Variants in SPEF2 observed in about 807,000 individuals in gnomAD.
SPEF2 encodes the protein sperm flagella and cilia-associated protein 2.
Under a neutral mutation model 224.6 loss-of-function variants are expected in SPEF2, and 187 were observed. The observed-to-expected ratio is 0.83, with a 90% CI of 0.74 to 0.94. The LOEUF is 0.94. Among genes scored for constraint, SPEF2 ranks in the 40% least tolerant of loss-of-function variants. The pLI, the probability that SPEF2 is intolerant of heterozygous loss-of-function variation, is 0.00. For missense variants in SPEF2, 2,170 were observed against 2,135.6 expected (o/e 1.02, Z -0.32); for synonymous variants, 715 against 707.3 (o/e 1.01, Z -0.17).
chr5:35,670,644 G>A, intron 10 of SPEF2: 1 of 985,826 alleles, frequency 1.0e-6, no homozygotes, highest in South Asian at 4.7e-5. Flanking sequence ...GAGGAAGTCT[G>A]GGTTTTATGA....
intron 1 of SPEF2, among the ~76,000 whole-genome samples, chr5:35,622,273 T>C (rs908357197): frequency 2.6e-5 from 4 of 152,172 alleles, no homozygotes; most frequent in Non-Finnish European, 5.9e-5. Flanking sequence ...AGGGGTATCC[T>C]CTCATGCATT....
chr5:35,671,252 C>T (rs1397655460), intron 10 of SPEF2: 9 of 979,476 alleles, frequency 9.2e-6, no homozygotes, highest in African/African-American at 1.8e-5. Context: ...AAGAAAAGTG[C>T]AAAATAACAC....
chr5:35,663,187 G>A (rs1342511884), intron 8 of SPEF2, among the ~76,000 whole-genome samples: 1 of 152,052 alleles, frequency 6.6e-6, no homozygotes, highest in Non-Finnish European at 1.5e-5. Flanking sequence ...ATTGCTCAAA[G>A]CTTCATCTTT....
At chr5:35,626,779 A>G (rs554077298) in intron 1 of SPEF2, among the ~76,000 whole-genome samples, 1 of 152,296 alleles carries the variant, frequency 6.6e-6, no homozygotes, top group African/African-American at 2.4e-5. Context: ...GAGAACAGAT[A>G]TTAAGAAAGT....
At chr5:35,788,217 T>C (rs1471873386) in intron 30 of SPEF2, 13 of 702,880 alleles carry the variant, frequency 1.8e-5, no homozygotes, top group Admixed American at 8.0e-5. Flanking sequence ...ATGAGGACCA[T>C]GAGCAAAGTA....
At chr5:35,724,482 C>T (rs991027790) in intron 20 of SPEF2, among the ~76,000 whole-genome samples, 5 of 152,086 alleles carry the variant, frequency 3.3e-5, no homozygotes, top group Non-Finnish European at 7.4e-5. Context: ...ATAAGAACTT[C>T]TCTGAGTTTG....
At chr5:35,763,145 G>A (rs1404515096) in intron 25 of SPEF2, among the ~76,000 whole-genome samples, 4 of 152,136 alleles carry the variant, frequency 2.6e-5, no homozygotes, top group East Asian at 1.9e-4. Flanking sequence ...GCCCAGTTTC[G>A]TTTGGTTTGC....
At chr5:35,640,237 A>T (rs1191492766) in intron 2 of SPEF2, among the ~76,000 whole-genome samples, 1 of 152,066 alleles carries the variant, frequency 6.6e-6, no homozygotes, top group African/African-American at 2.4e-5. Flanking sequence ...TCCTGAATTA[A>T]CATGCCCCTA....
In SPEF2 at chr5:35,700,646, T is replaced by G; in HGVS notation, c.2292T>G (p.Asp764Glu). ...KKAQKSTLAI[D>E]PATSKEIPLP... is the part of the protein sequence containing the mutation. ...CACAAAAATCCACATTGGCTATTGA[T>G]CCTGCGACTTCCAAAGAAATACCTC... is the stretch of plus-strand genomic sequence containing the variant. The change falls in exon 16 of 37, where the codon GAT becomes GAG. Residue 764 changes from aspartate (D) to glutamate (E), a missense_variant. Coordinates refer to ENST00000356031, the MANE Select transcript of SPEF2 (RefSeq NM_024867.4). 6.2e-7 allele frequency: 1 copy of G among 1,614,042 alleles called. No homozygotes were observed. The highest frequency in any genetic ancestry group is 8.5e-7 in the Non-Finnish European group (1 of 1,179,984).
intron 27 of SPEF2, among the ~76,000 whole-genome samples, chr5:35,772,108 A>T (rs1752941242): frequency 6.6e-6 from 1 of 152,234 alleles, no homozygotes; most frequent in African/African-American, 2.4e-5. Flanking sequence ...CTATGTTTTT[A>T]GAAGCTATGT....
chr5:35,695,719 CT>C lies in SPEF2; in HGVS notation c.1976-12del. 6.2e-7 allele frequency: 1 copy of C among 1,602,866 alleles called. No homozygotes were observed. Among genetic ancestry groups the C allele is most frequent in the Non-Finnish European group, 8.5e-7 (1 of 1,174,456 alleles). On this transcript the variant is annotated splice_polypyrimidine_tract_variant and intron_variant, in intron 13 of 36. Transcript: ENST00000356031. ...AAATACCAGAAATTTGTTCTTACCA[CT>C]TTTCCTATTGCTAGGTGCTAATGCT...
At chr5:35,794,891 T>C (rs1262235027) in intron 32 of SPEF2, among the ~76,000 whole-genome samples, 1 of 152,148 alleles carries the variant, frequency 6.6e-6, no homozygotes, top group Non-Finnish European at 1.5e-5. Flanking sequence ...TTTTCTGAGC[T>C]CTGCCCTCTG....
chr5:35,756,026 T>G (rs1160034911), intron 24 of SPEF2, among the ~76,000 whole-genome samples: 5 of 152,216 alleles, frequency 3.3e-5, no homozygotes, highest in Non-Finnish European at 5.9e-5. Flanking sequence ...CTCCTCAGGT[T>G]TATTTTCCAT....
intron 23 of SPEF2, among the ~76,000 whole-genome samples, chr5:35,745,114 A>C (rs1561296050): frequency 6.6e-6 from 1 of 152,178 alleles, no homozygotes; most frequent in Non-Finnish European, 1.5e-5. Context: ...AGCTGAGTCA[A>C]TTTAGAGAGC....
At chr5:35,777,015 C>T (rs1753694445) in intron 29 of SPEF2, among the ~76,000 whole-genome samples, 1 of 152,172 alleles carries the variant, frequency 6.6e-6, no homozygotes, top group Non-Finnish European at 1.5e-5. Flanking sequence ...AAATTAGTAG[C>T]ATGCTTGATT....
At chr5:35,675,983 T>G (rs1456047562) in intron 10 of SPEF2, 1 of 456,238 alleles carries the variant, frequency 2.2e-6, no homozygotes, top group Non-Finnish European at 4.4e-6. Context: ...TTATTAACAC[T>G]GGAGACAAGG....
chr5:35,649,287 T>C, intron 5 of SPEF2, 74 bp from the exon 6 acceptor site: 1 of 1,260,460 alleles, frequency 7.9e-7, no homozygotes, highest in East Asian at 2.4e-5. Flanking sequence ...CTTTATAAAC[T>C]TGAATGAATG....
chr5:35,619,540 C>T (rs1030433092), intron 1 of SPEF2, among the ~76,000 whole-genome samples: 13 of 151,760 alleles, frequency 8.6e-5, no homozygotes, highest in Non-Finnish European at 1.8e-4. Context: ...AGCCGGACGT[C>T]GTGGCGGGTG....
Position 35,654,741 on chromosome 5 carries a change from T to C in SPEF2, c.978+15T>C. ...AAGCACAAGAGGTAAGATATTTAGATGAAGGTTAAGTAATAGTGCTGGGAA... is the reference window on the plus strand; with the variant it reads ...AAGCACAAGAGGTAAGATATTTAGACGAAGGTTAAGTAATAGTGCTGGGAA... On this transcript the variant is annotated intron_variant, in intron 7 of 36. Transcript: ENST00000356031. 1 of 1,596,588 alleles carries C rather than the reference T, an allele frequency of 6.3e-7. No homozygotes were observed. The highest frequency in any genetic ancestry group is 1.1e-5 in the South Asian group (1 of 87,320).
Sources: allele counts gnomAD v4.1 joint callset (sites outside exome capture counted in the v4.1 genomes callset), GRCh38; gene constraint gnomAD v4.1.1; transcripts MANE v1.5; gene names NCBI Gene and HGNC (gene_info 2026-07-23, HGNC 2026-07-21).